The following IRAK1BP1 variants were observed in gnomAD, a reference collection of about 807,000 sequenced individuals.
IRAK1BP1 encodes the protein interleukin 1 receptor associated kinase 1 binding protein 1.
Under a neutral mutation model 28.0 loss-of-function variants are expected in IRAK1BP1, and 24 were observed. That is an observed-to-expected ratio of 0.86 (90% CI 0.62 to 1.20). The LOEUF (loss-of-function observed/expected upper bound fraction) is 1.20. Ranked by LOEUF, IRAK1BP1 falls within the 50% of genes most tolerant of loss-of-function variation. The pLI is 0.00. For synonymous variants in IRAK1BP1, 131 were observed against 116.3 expected (o/e 1.13, Z -0.81); for missense variants, 336 against 316.7 (o/e 1.06, Z -0.46).
At chr6:78,874,363 A>G (rs925075951) in intron 1 of IRAK1BP1, among the ~76,000 whole-genome samples, 3 of 152,196 alleles carry the variant, frequency 2.0e-5, no homozygotes, top group African/African-American at 7.2e-5. Context: ...TAGTAGGGGA[A>G]GAGTGTATGA....
chr6:78,872,333 A>C (rs1439723881), intron 1 of IRAK1BP1, among the ~76,000 whole-genome samples: 1 of 152,192 alleles, frequency 6.6e-6, no homozygotes, highest in Non-Finnish European at 1.5e-5. Flanking sequence ...ATATGTTTCT[A>C]GGGGCACCCA....
chr6:78,963,155 A>C, the IRAK1BP1 span: 2 of 1,610,444 alleles, frequency 1.2e-6, no homozygotes, highest in South Asian at 2.2e-5. Context: ...CATCCCTGGG[A>C]TTGGTACCCC....
chr6:78,965,847 C>T, the IRAK1BP1 span: 4 of 1,170,872 alleles, frequency 3.4e-6, no homozygotes, highest in East Asian at 4.7e-5. Flanking sequence ...AAAATAATTG[C>T]TTCTGTGTTT....
Position 78,923,043 on chromosome 6 carries a change from A to G in IRAK1BP1, c.*67+19933A>G, listed in dbSNP as rs533328027. Among the ~76,000 whole-genome samples, 5 of 152,342 alleles carry G rather than the reference A, an allele frequency of 3.3e-5. 1 individual carries two copies. The South Asian group carries it at 1.0e-3, about 32-fold the overall frequency. ...ACGAGCAAAATAACCAGCTAACATC[A>G]TAATGACAGGATCAAATTCACACAT... On this transcript the variant is annotated intron_variant and NMD_transcript_variant, in intron 4 of 4. Transcript: ENST00000606868.
intron 4 of IRAK1BP1, among the ~76,000 whole-genome samples, chr6:78,928,724 G>A (rs965513081): frequency 6.6e-6 from 1 of 152,104 alleles, no homozygotes; most frequent in African/African-American, 2.4e-5. Flanking sequence ...TTTTTATCAT[G>A]AAGGGATGTT....
chr6:78,945,927 A>G (rs1374896747), exon 5 of IRAK1BP1: 2 of 1,040,576 alleles, frequency 1.9e-6, no homozygotes, highest in Admixed American at 1.9e-5. Flanking sequence ...AACTCAGTAT[A>G]TTGCATTTGG....
intron 4 of IRAK1BP1, among the ~76,000 whole-genome samples, chr6:78,929,692 TTA>T (rs1252727950): frequency 1.3e-5 from 2 of 152,152 alleles, no homozygotes; most frequent in Non-Finnish European, 2.9e-5. Flanking sequence ...AAAATTGAAA[TTA>T]TATTTTTAAA....
chr6:78,963,178 G>C, the IRAK1BP1 span: 1 of 1,611,348 alleles, frequency 6.2e-7, no homozygotes, highest in Non-Finnish European at 8.5e-7. Flanking sequence ...TCTCCATCAA[G>C]AGGTTTATAG....
chr6:78,952,179 G>A, the IRAK1BP1 span, among the ~76,000 whole-genome samples: 2 of 151,960 alleles, frequency 1.3e-5, no homozygotes, highest in African/African-American at 4.8e-5. Context: ...CAGCACTTTG[G>A]GGAGGCTGAG....
At chr6:78,896,402 A>C (rs1771883730) in intron 2 of IRAK1BP1, among the ~76,000 whole-genome samples, 2 of 152,134 alleles carry the variant, frequency 1.3e-5, no homozygotes, top group South Asian at 4.2e-4. Context: ...AGGAACAAAA[A>C]TATTATGCAA....
chr6:78,937,034 G>A (rs868192064), intron 4 of IRAK1BP1: 1 of 151,702 alleles, frequency 6.6e-6, no homozygotes, highest in African/African-American at 2.4e-5. Context: ...TAGGTTAATA[G>A]GAGTAATCAG....
At chr6:78,955,323 A>C in the IRAK1BP1 span, 1 of 1,377,610 alleles carries the variant, frequency 7.3e-7, no homozygotes, top group Admixed American at 1.7e-5. Context: ...AACATTTTAG[A>C]TGTCATTATA....
chr6:78,874,537 C>T (rs1363508440), intron 1 of IRAK1BP1, among the ~76,000 whole-genome samples: 1 of 152,144 alleles, frequency 6.6e-6, no homozygotes, highest in African/African-American at 2.4e-5. Context: ...TTATTATCTT[C>T]ATAAAGCATT....
At chr6:78,916,974 G>C (rs539802663) in intron 4 of IRAK1BP1, among the ~76,000 whole-genome samples, 1 of 152,184 alleles carries the variant, frequency 6.6e-6, no homozygotes, top group African/African-American at 2.4e-5. Context: ...AGTGTCTTCA[G>C]ATGAGAAGAA....
intron 1 of IRAK1BP1, among the ~76,000 whole-genome samples, chr6:78,873,626 G>A (rs959696129): frequency 4.6e-5 from 7 of 151,984 alleles, no homozygotes; most frequent in South Asian, 4.2e-4. Flanking sequence ...CTACAGGCAC[G>A]CACCTCCATG....
rs748435735 is a variant in IRAK1BP1 at position 78,867,868 on chromosome 6, A to C, written c.292A>C (p.Ser98Arg). The C allele has an allele frequency of 2.5e-6, 4 of 1,599,838 alleles. No individual in the cohort carries two copies. In the South Asian group the frequency reaches 4.5e-5, roughly 18 times the overall value. ...TCGCCGTCTAGATTACATCACGCAG[A>C]GCCTCCAGCAGCAGGGCGTGCAGGT... ...VCRRLDYITQ[S>R]LQQQGVQAEN... is the part of the protein sequence containing the mutation. The change falls in exon 1 of 4, where the codon AGC (serine) becomes CGC (arginine). Residue 98 changes from serine to arginine, a missense_variant. By Grantham distance (110) the Ser-to-Arg change is moderately radical (BLOSUM62 -1). Transcript: ENST00000369940.
intron 2 of IRAK1BP1, among the ~76,000 whole-genome samples, chr6:78,897,601 A>G (rs1217168275): frequency 6.6e-6 from 1 of 152,234 alleles, no homozygotes; most frequent in African/African-American, 2.4e-5. Context: ...GGTTTAAAAT[A>G]TAAGTTTTTT....
In IRAK1BP1 at chr6:78,898,650, T is replaced by C. The variant is rs1771992986; in HGVS notation, c.*316T>C. 1 of 151,638 alleles carries C rather than the reference T, an allele frequency of 6.6e-6. No homozygotes were observed. 9.4% of individuals were successfully genotyped at this position (151,638 alleles called of 1,614,324 possible). The stretch of plus-strand genomic sequence containing the variant: ...TATTATAAGGACAGATATTGACCCT[T>C]GCATTTCATAATTTTTAAAGATATT... On this transcript the variant is annotated 3_prime_UTR_variant, in exon 4 of 4. Transcript: ENST00000369940.
the IRAK1BP1 span, among the ~76,000 whole-genome samples, chr6:78,952,580 C>T: frequency 6.6e-6 from 1 of 152,038 alleles, no homozygotes; most frequent in Non-Finnish European, 1.5e-5. Flanking sequence ...CTACCTCTTA[C>T]CCTCTCCTTC....
Sources: allele counts gnomAD v4.1 joint callset (sites outside exome capture counted in the v4.1 genomes callset), GRCh38; gene constraint gnomAD v4.1.1; transcripts MANE v1.5; gene names NCBI Gene and HGNC (gene_info 2026-07-23, HGNC 2026-07-21).